Variants in ST6GALNAC3 observed in about 807,000 individuals in gnomAD.
The protein encoded by ST6GALNAC3 is alpha-N-acetylgalactosaminide alpha-2,6-sialyltransferase 3.
Under a neutral mutation model 32.7 loss-of-function variants are expected in ST6GALNAC3, and 25 were observed. That is an observed-to-expected ratio of 0.76 (90% CI 0.56 to 1.07). ST6GALNAC3 has a LOEUF of 1.07. ST6GALNAC3 is among the 50% of genes least tolerant of loss of function. ST6GALNAC3 has a pLI of 0.00. For synonymous variants in ST6GALNAC3, 129 were observed against 133.1 expected (o/e 0.97, Z 0.21); for missense variants, 355 against 382.4 (o/e 0.93, Z 0.60).
At chr1:76,584,981 A>T (rs1646939618) in intron 3 of ST6GALNAC3, among the ~76,000 whole-genome samples, 1 of 152,252 alleles carries the variant, frequency 6.6e-6, no homozygotes, top group Non-Finnish European at 1.5e-5. Flanking sequence ...AGTGAAGAAG[A>T]CATCTACCCA....
chr1:76,415,616 T>G (rs1654566470), intron 3 of ST6GALNAC3, among the ~76,000 whole-genome samples: 2 of 152,152 alleles, frequency 1.3e-5, no homozygotes. Flanking sequence ...TGAGTCCTTT[T>G]GACATGCCCT....
intron 1 of ST6GALNAC3, among the ~76,000 whole-genome samples, chr1:76,079,739 G>GA (rs1646865709): frequency 6.6e-6 from 1 of 152,088 alleles, no homozygotes; most frequent in Non-Finnish European, 1.5e-5. Flanking sequence ...CCCTGCCCCA[G>GA]ATCTAATCCT....
At chr1:76,453,564 A>T (rs1657557808) in intron 3 of ST6GALNAC3, among the ~76,000 whole-genome samples, 1 of 152,108 alleles carries the variant, frequency 6.6e-6, no homozygotes, top group Non-Finnish European at 1.5e-5. Context: ...AGGTTATTTA[A>T]TTCCAATGTA....
At chr1:76,183,385 T>C (rs1300383481) in intron 1 of ST6GALNAC3, among the ~76,000 whole-genome samples, 1 of 152,146 alleles carries the variant, frequency 6.6e-6, no homozygotes, top group African/African-American at 2.4e-5. Context: ...GAAATGGCTT[T>C]TTATGGGGAA....
intron 3 of ST6GALNAC3, among the ~76,000 whole-genome samples, chr1:76,600,734 C>T (rs1475311469): frequency 1.3e-5 from 2 of 152,182 alleles, no homozygotes; most frequent in Non-Finnish European, 2.9e-5. Flanking sequence ...ATACTTTTGC[C>T]AGCTTTCAAC....
intron 3 of ST6GALNAC3, among the ~76,000 whole-genome samples, chr1:76,490,137 G>A (rs186426413): frequency 1.9e-3 from 290 of 152,182 alleles, no homozygotes; most frequent in Non-Finnish European, 3.0e-3. Flanking sequence ...CTCCTGACCC[G>A]AAAATAGCCC....
At chr1:76,379,879 G>A (rs1651564744) in intron 2 of ST6GALNAC3, among the ~76,000 whole-genome samples, 1 of 152,140 alleles carries the variant, frequency 6.6e-6, no homozygotes, top group Non-Finnish European at 1.5e-5. Flanking sequence ...AAGTTTCCCA[G>A]GCTTTTGATG....
chr1:76,117,480 G>A (rs930159550), intron 1 of ST6GALNAC3, among the ~76,000 whole-genome samples: 1 of 152,164 alleles, frequency 6.6e-6, no homozygotes, highest in African/African-American at 2.4e-5. Flanking sequence ...TCTTTTAGAA[G>A]GTGATGCAAA....
At chr1:76,421,142 A>T (rs1221356600) in intron 3 of ST6GALNAC3, among the ~76,000 whole-genome samples, 1 of 152,112 alleles carries the variant, frequency 6.6e-6, no homozygotes, top group Non-Finnish European at 1.5e-5. Context: ...TTTTAAGCTT[A>T]AAAGTCCCTT....
intron 3 of ST6GALNAC3, among the ~76,000 whole-genome samples, chr1:76,440,899 C>T (rs535102486): frequency 6.6e-5 from 10 of 152,002 alleles, no homozygotes; most frequent in African/African-American, 2.2e-4. Flanking sequence ...ACCAGCCTGG[C>T]CAACATGGCA....
At chr1:76,142,240 A>G (rs146514185) in intron 1 of ST6GALNAC3, among the ~76,000 whole-genome samples, 3 of 152,316 alleles carry the variant, frequency 2.0e-5, no homozygotes, top group African/African-American at 2.4e-5. Context: ...GGAAGAGGCT[A>G]AGCTGTTAGA....
chr1:76,385,217 G>T (rs1355357524), intron 2 of ST6GALNAC3, among the ~76,000 whole-genome samples: 2 of 152,064 alleles, frequency 1.3e-5, no homozygotes. Flanking sequence ...AAGGAAATTT[G>T]GGGGGTTCAA....
chr1:76,595,076 A>G (rs1353730875), intron 3 of ST6GALNAC3, among the ~76,000 whole-genome samples: 2 of 152,158 alleles, frequency 1.3e-5, no homozygotes, highest in African/African-American at 2.4e-5. Context: ...TGGCCGAGCA[A>G]TGGATGAAAG....
intron 1 of ST6GALNAC3, among the ~76,000 whole-genome samples, chr1:76,128,480 C>T (rs561119217): frequency 8.7e-4 from 132 of 152,260 alleles, no homozygotes; most frequent in African/African-American, 2.9e-3. Context: ...AGTGGCAACT[C>T]CAGATGAGGG....
chr1:76,554,584 A>T (rs1224099324), intron 3 of ST6GALNAC3, among the ~76,000 whole-genome samples: 2 of 152,138 alleles, frequency 1.3e-5, no homozygotes, highest in Admixed American at 1.3e-4. Context: ...GAGACATGTG[A>T]CTTGATGTGT....
At chr1:76,467,075 G>A (rs936964275) in intron 3 of ST6GALNAC3, among the ~76,000 whole-genome samples, 1 of 151,908 alleles carries the variant, frequency 6.6e-6, no homozygotes, top group African/African-American at 2.4e-5. Context: ...TCGGAGAATT[G>A]GCATTTATAT....
At chr1:76,237,080 C>T (rs1656697955) in intron 1 of ST6GALNAC3, among the ~76,000 whole-genome samples, 2 of 152,114 alleles carry the variant, frequency 1.3e-5, no homozygotes, top group Admixed American at 6.5e-5. Context: ...CACGGGGCCA[C>T]GGTGAGGAAG....
chr1:76,477,931 C>A (rs1659460657), intron 3 of ST6GALNAC3, among the ~76,000 whole-genome samples: 1 of 152,092 alleles, frequency 6.6e-6, no homozygotes, highest in Admixed American at 6.6e-5. Flanking sequence ...ATCACTTTTG[C>A]TCAGTATTGT....
intron 3 of ST6GALNAC3, among the ~76,000 whole-genome samples, chr1:76,583,026 T>C (rs1283923302): frequency 1.3e-5 from 2 of 152,186 alleles, no homozygotes; most frequent in African/African-American, 2.4e-5. Flanking sequence ...TATAGAACAA[T>C]TTATTAGTGC....
Sources: allele counts gnomAD v4.1 joint callset (sites outside exome capture counted in the v4.1 genomes callset), GRCh38; gene constraint gnomAD v4.1.1; transcripts MANE v1.5; gene names NCBI Gene and HGNC (gene_info 2026-07-23, HGNC 2026-07-21).